Variants in NELL2 observed in about 807,000 individuals in gnomAD.
The protein encoded by NELL2 is neural EGFL like 2, also known as protein kinase C-binding protein NELL2.
Under a neutral mutation model 109.6 loss-of-function variants are expected in NELL2, and 41 were observed. The ratio of observed to expected loss-of-function variants is 0.37; its 90% CI spans 0.29 to 0.49. NELL2 has a LOEUF of 0.49. Among genes scored for constraint, NELL2 ranks in the 20% least tolerant of loss-of-function variants. The pLI, the probability that NELL2 is intolerant of heterozygous loss-of-function variation, is 0.98. For synonymous variants in NELL2, 355 were observed against 344.7 expected, an observed-to-expected ratio of 1.03 and a Z score of -0.33; for missense variants, 900 against 1,008.3, an observed-to-expected ratio of 0.89 and a Z score of 1.45.
At position 44,508,910 on chromosome 12, in the gene NELL2, A is replaced by C; in HGVS notation, c.*24T>G. On this transcript the variant is annotated 3_prime_UTR_variant, in exon 20 of 20. Transcript: ENST00000429094. The stretch of plus-strand genomic sequence containing the variant: ...TAATGAAAGAACATTCTTTTAACAG[A>C]AATCTCCCATGAGACAGTTAACTTC... The C allele has an allele frequency of 6.3e-7, 1 of 1,597,160 alleles. No homozygotes were observed. Among genetic ancestry groups the C allele is most frequent in the Non-Finnish European group, 8.5e-7 (1 of 1,169,614 alleles).
intron 9 of NELL2, among the ~76,000 whole-genome samples, chr12:44,769,692 C>T (rs927261744): frequency 1.3e-5 from 2 of 152,060 alleles, no homozygotes; most frequent in Admixed American, 1.3e-4. Flanking sequence ...ATTCACATAG[C>T]CCAAATCGGC....
intron 13 of NELL2, among the ~76,000 whole-genome samples, chr12:44,651,969 T>C (rs1027095669): frequency 6.6e-6 from 1 of 152,180 alleles, no homozygotes. Flanking sequence ...GGGATTAATC[T>C]GAAAATCTGG....
intron 12 of NELL2, among the ~76,000 whole-genome samples, chr12:44,685,564 T>C (rs1228264367): frequency 6.6e-6 from 1 of 152,192 alleles, no homozygotes; most frequent in Non-Finnish European, 1.5e-5. Flanking sequence ...GGTTGTTCCT[T>C]TCCAATGTTT....
intron 15 of NELL2, among the ~76,000 whole-genome samples, chr12:44,568,610 A>G (rs554859202): frequency 1.3e-5 from 2 of 152,220 alleles, no homozygotes; most frequent in East Asian, 3.9e-4. Flanking sequence ...TAATAATAAT[A>G]ACATAACCAG....
At chr12:44,531,758 T>A (rs1210885569) in intron 16 of NELL2, among the ~76,000 whole-genome samples, 2 of 152,226 alleles carry the variant, frequency 1.3e-5, no homozygotes, top group African/African-American at 2.4e-5. Context: ...AACCCCATTA[T>A]CCTCTCAGGC....
In NELL2 at chr12:44,509,402, G is replaced by A. The variant is rs576778064; in HGVS notation, c.2401-418C>T. ...AAAAATTGTGAAAAGTGCTAGAAAGGTGCTATGAACTAAATGTTTGCATCC... is the reference window on the plus strand; with the variant it reads ...AAAAATTGTGAAAAGTGCTAGAAAGATGCTATGAACTAAATGTTTGCATCC... On this transcript the variant is annotated intron_variant, in intron 19 of 19. Transcript: ENST00000429094. Among the ~76,000 whole-genome samples, 86 of 152,238 alleles carry A rather than the reference G, an allele frequency of 5.6e-4. No homozygotes were observed. In the Middle Eastern group the frequency reaches 0.01, roughly 18 times the overall value.
At chr12:44,527,584 G>A (rs1941842754) in intron 16 of NELL2, among the ~76,000 whole-genome samples, 1 of 152,142 alleles carries the variant, frequency 6.6e-6, no homozygotes, top group South Asian at 2.1e-4. Flanking sequence ...ACACTTCAGA[G>A]TAATTGTAAA....
At chr12:44,812,862 G>A (rs151118777) in intron 3 of NELL2, among the ~76,000 whole-genome samples, 146 of 152,174 alleles carry the variant, frequency 9.6e-4, no homozygotes, top group African/African-American at 3.0e-3. Context: ...CCATAGACAC[G>A]GAGAGACCAG....
chr12:44,621,473 C>T lies in NELL2; in HGVS notation c.1445-10503G>A, dbSNP rs549296876. Among the ~76,000 whole-genome samples, 61 of 152,182 alleles carry T rather than the reference C, an allele frequency of 4.0e-4. No homozygotes were observed. In the Middle Eastern group the frequency reaches 0.01, roughly 25 times the overall value. ...CAGATTCCTCCTCTACAAAATGAGTCTAAAAACAGTACAGAAGCAAAATCC... is the reference window on the plus strand; with the variant it reads ...CAGATTCCTCCTCTACAAAATGAGTTTAAAAACAGTACAGAAGCAAAATCC... On this transcript the variant is annotated intron_variant, in intron 13 of 19. Coordinates refer to ENST00000429094, the MANE Select transcript of NELL2 (RefSeq NM_001145108.2).
chr12:44,613,342 C>A (rs962782058), intron 13 of NELL2, among the ~76,000 whole-genome samples: 1 of 152,006 alleles, frequency 6.6e-6, no homozygotes, highest in African/African-American at 2.4e-5. Flanking sequence ...CTTTGTATCT[C>A]ATTTAAACAT....
chr12:44,625,610 G>A (rs1946229558), intron 13 of NELL2, among the ~76,000 whole-genome samples: 1 of 151,804 alleles, frequency 6.6e-6, no homozygotes, highest in East Asian at 1.9e-4. Context: ...GAGCAGGTTG[G>A]CATGATACAT....
At chr12:44,635,013 T>C (rs1186142624) in intron 13 of NELL2, among the ~76,000 whole-genome samples, 1 of 152,222 alleles carries the variant, frequency 6.6e-6, no homozygotes, top group African/African-American at 2.4e-5. Flanking sequence ...GCGGTTTTGA[T>C]TTACATTTTT....
chr12:44,610,649 T>C (rs1308125658), intron 14 of NELL2, among the ~76,000 whole-genome samples, 199 bp downstream of exon 14: 1 of 151,936 alleles, frequency 6.6e-6, no homozygotes, highest in Non-Finnish European at 1.5e-5. Flanking sequence ...AGGAGCTGAA[T>C]GGTTTGGTCA....
At chr12:44,687,334 C>T (rs1175650706) in intron 12 of NELL2, among the ~76,000 whole-genome samples, 3 of 152,188 alleles carry the variant, frequency 2.0e-5, no homozygotes, top group Non-Finnish European at 4.4e-5. Flanking sequence ...GAACCCGGTA[C>T]CTCAGGTGGA....
intron 2 of NELL2, among the ~76,000 whole-genome samples, chr12:44,823,040 A>G (rs1054282977): frequency 1.3e-5 from 2 of 152,210 alleles, no homozygotes; most frequent in African/African-American, 4.8e-5. Context: ...GGTAGCAAAC[A>G]TGGGTGTTTA....
At chr12:44,760,148 C>T (rs1020429695) in intron 9 of NELL2, among the ~76,000 whole-genome samples, 14 of 152,168 alleles carry the variant, frequency 9.2e-5, no homozygotes, top group Non-Finnish European at 1.8e-4. Context: ...TTAAGCATTC[C>T]GTTTCCATAG....
intron 11 of NELL2, among the ~76,000 whole-genome samples, 155 bp from the exon 12 acceptor site, chr12:44,704,009 G>C (rs1937709907): frequency 6.6e-6 from 1 of 152,082 alleles, no homozygotes. Context: ...CACATGCTAT[G>C]AGTACCAAAA....
intron 14 of NELL2, among the ~76,000 whole-genome samples, chr12:44,609,935 A>G (rs1014990817): frequency 1.3e-5 from 2 of 152,042 alleles, no homozygotes; most frequent in African/African-American, 4.8e-5. Flanking sequence ...TGGATAAATC[A>G]TATGACATTA....
rs569181782 is a variant in NELL2 at position 44,665,355 on chromosome 12, G to T, written c.1444+129C>A. ...GATTAAGAAATAACTACCAAATCAA[G>T]AAGATATGATTTTGCTAATGTTTTG... On this transcript the variant is annotated intron_variant, in intron 13 of 19. Transcript: ENST00000429094. 5 of 716,758 alleles carry T rather than the reference G, an allele frequency of 7.0e-6. No homozygotes were observed. The East Asian group carries it at 1.2e-4, about 17-fold the overall frequency. The allele number at this position is 716,758 out of a possible 1,614,324, so 44.4% of individuals were successfully genotyped here.
Sources: gnomAD v4.1 joint callset for allele counts (sites outside exome capture counted in the v4.1 genomes callset) on GRCh38, gnomAD v4.1.1 for gene constraint, MANE v1.5 for transcripts, NCBI Gene and HGNC (gene_info 2026-07-23, HGNC 2026-07-21) for gene names.